DNAJC3: variants seen among roughly 807,000 people sequenced by gnomAD.
DNAJC3 encodes dnaJ homolog subfamily C member 3.
A neutral mutation model predicts 68.6 loss-of-function variants in DNAJC3; 38 were observed. That is an observed-to-expected ratio of 0.55 (90% confidence interval 0.43 to 0.73). The LOEUF (loss-of-function observed/expected upper bound fraction) is 0.73. Ranked by LOEUF, DNAJC3 falls within the 30% of genes least tolerant of loss-of-function variation. DNAJC3 has a pLI of 0.00. For synonymous variants in DNAJC3, 203 were observed against 204.0 expected (o/e 1.00, Z 0.04); for missense variants, 526 against 591.9 (o/e 0.89, Z 1.16).
chr13:95,708,300 G>C (rs1027008264), intron 1 of DNAJC3, among the ~76,000 whole-genome samples: 3 of 152,200 alleles, frequency 2.0e-5, no homozygotes, highest in African/African-American at 4.8e-5. Flanking sequence ...GATGAATTCA[G>C]AGCGGAGAGG....
intron 10 of DNAJC3, 65 bp from the exon 11 acceptor site, chr13:95,786,942 C>G (rs1291247685): frequency 3.2e-6 from 5 of 1,548,800 alleles, no homozygotes; most frequent in Non-Finnish European, 4.3e-6. Flanking sequence ...ATCAGCTCTT[C>G]TGATTTTTAT....
At chr13:95,732,836 T>G (rs1436206748) in intron 4 of DNAJC3, among the ~76,000 whole-genome samples, 1 of 152,152 alleles carries the variant, frequency 6.6e-6, no homozygotes, top group African/African-American at 2.4e-5. Context: ...GCTTTGGCTG[T>G]ATTCCATAGG....
chr13:95,711,442 G>A (rs1593970020), intron 2 of DNAJC3, among the ~76,000 whole-genome samples: 1 of 152,118 alleles, frequency 6.6e-6, no homozygotes, highest in South Asian at 2.1e-4. Flanking sequence ...AGGTTGCAGT[G>A]AGCCAAGATC....
At chr13:95,688,450 C>T (rs950854130) in intron 1 of DNAJC3, among the ~76,000 whole-genome samples, 3 of 150,372 alleles carry the variant, frequency 2.0e-5, no homozygotes, top group Non-Finnish European at 4.4e-5. Context: ...TATGCTTCTT[C>T]GATGTCTAGT....
At chr13:95,761,325 G>T (rs1485654120) in intron 7 of DNAJC3, among the ~76,000 whole-genome samples, 1 of 152,070 alleles carries the variant, frequency 6.6e-6, no homozygotes, top group Non-Finnish European at 1.5e-5. Flanking sequence ...AGTAAAAGTG[G>T]ACAGAAGTAA....
chr13:95,712,661 C>T (rs542800065), intron 2 of DNAJC3, among the ~76,000 whole-genome samples: 133 of 152,248 alleles, frequency 8.7e-4, no homozygotes, highest in Admixed American at 2.7e-3. Flanking sequence ...CATGAGCCAC[C>T]GTGCCTGGCC....
intron 4 of DNAJC3, 72 bp downstream of exon 4, chr13:95,725,324 T>C: frequency 1.8e-6 from 2 of 1,118,548 alleles, no homozygotes; most frequent in Non-Finnish European, 2.5e-6. Flanking sequence ...TTTTATATTA[T>C]GACAGTTAAT....
intron 4 of DNAJC3, among the ~76,000 whole-genome samples, chr13:95,733,703 C>CTTTT (rs146677839): frequency 1.2e-4 from 12 of 102,926 alleles, no homozygotes; most frequent in Non-Finnish European, 1.7e-4. Flanking sequence ...CCTGGCCTGT[C>CTTTT]TTTTTTTTTT....
chr13:95,735,827 T>C (rs1165498041), intron 4 of DNAJC3, among the ~76,000 whole-genome samples: 2 of 152,226 alleles, frequency 1.3e-5, no homozygotes, highest in Non-Finnish European at 2.9e-5. Flanking sequence ...TTAGTTTAAT[T>C]AGATCCCATT....
In DNAJC3 at chr13:95,725,222, T is replaced by C; in HGVS notation, c.363T>C (p.Leu121=). ...RGHLLLKQGK[L]DEAEDDFKKV... ...ACTTATTACTCAAACAAGGAAAACTTGATGAAGCAGAAGATGATTTTAAAA... is the reference window on the plus strand; with the variant it reads ...ACTTATTACTCAAACAAGGAAAACTCGATGAAGCAGAAGATGATTTTAAAA... Residue 121 remains leucine, a synonymous_variant, in exon 4 of 12, where the codon CTT becomes CTC. Coordinates refer to ENST00000602402, the MANE Select transcript of DNAJC3 (RefSeq NM_006260.5). The C allele has an allele frequency of 6.3e-7, 1 of 1,595,782 alleles. No homozygotes were observed. Among genetic ancestry groups the C allele is most frequent in the East Asian group, 2.3e-5 (1 of 44,054 alleles).
chr13:95,700,653 T>G (rs1880559140), intron 1 of DNAJC3, among the ~76,000 whole-genome samples: 1 of 152,232 alleles, frequency 6.6e-6, no homozygotes, highest in African/African-American at 2.4e-5. Context: ...AGTTCAGTGC[T>G]TTTGGTGACT....
chr13:95,791,173 C>A lies in DNAJC3; in HGVS notation c.*143C>A. On this transcript the variant is annotated 3_prime_UTR_variant, in exon 12 of 12. Transcript: ENST00000602402. ...TTGCTTTAATAGGAAAAAATCTGTT[C>A]TTATCCCTGTCAGATTTATGGTTAA... is the stretch of plus-strand genomic sequence containing the variant. 1.1e-6 allele frequency: 1 copy of A among 942,044 alleles called. No individual in the cohort carries two copies. The highest frequency in any genetic ancestry group is 1.6e-6 in the Non-Finnish European group (1 of 635,562). The allele number at this position is 942,044 out of a possible 1,614,324, so 58.4% of individuals were successfully genotyped here. A position where few individuals can be genotyped will look rare whatever the true frequency, so the allele number is the denominator to read the frequency against.
chr13:95,760,509 T>G (rs1458359763), intron 6 of DNAJC3, among the ~76,000 whole-genome samples, 170 bp from the exon 7 acceptor site: 1 of 152,230 alleles, frequency 6.6e-6, no homozygotes, highest in Admixed American at 6.5e-5. Context: ...AATTAACAAA[T>G]GTATGCATGG....
intron 4 of DNAJC3, among the ~76,000 whole-genome samples, chr13:95,725,764 G>A (rs867109343): frequency 2.2e-4 from 33 of 150,036 alleles, no homozygotes; most frequent in South Asian, 1.1e-3. Flanking sequence ...ATGTTGGTGT[G>A]CTGCACCCAT....
Position 95,763,869 on chromosome 13 carries a change from G to A in DNAJC3, c.991G>A (p.Glu331Lys). The change falls in exon 9 of 12, where the codon GAA becomes AAA. Residue 331 changes from glutamate to lysine, a missense_variant. Physicochemically the swap from Glu to Lys is moderately conservative, Grantham distance 56 (BLOSUM62 1). Transcript: ENST00000602402. ...KPVEAIRVCS[E>K]VLQMEPDNVN... ...TGTTGAAGCTATTAGGGTTTGTTCT[G>A]AAGTTTTACAGATGGAACCTGACAA... 6.2e-7 allele frequency: 1 copy of A among 1,613,992 alleles called. No individual in the cohort carries two copies. Among genetic ancestry groups the A allele is most frequent in the Non-Finnish European group, 8.5e-7 (1 of 1,179,950 alleles).
intron 2 of DNAJC3, among the ~76,000 whole-genome samples, chr13:95,712,317 C>A (rs1185845195): frequency 6.6e-6 from 1 of 152,008 alleles, no homozygotes; most frequent in Non-Finnish European, 1.5e-5. Flanking sequence ...GACAAGGATA[C>A]CCACTATTAC....
chr13:95,725,066 G>A (rs1881461443), intron 3 of DNAJC3, 112 bp from the exon 4 acceptor site: 1 of 676,904 alleles, frequency 1.5e-6, no homozygotes, highest in Non-Finnish European at 2.2e-6. Context: ...GATGTGCACT[G>A]GAAAAATAAA....
At chr13:95,753,981 A>G (rs997720641) in intron 4 of DNAJC3, among the ~76,000 whole-genome samples, 1 of 152,214 alleles carries the variant, frequency 6.6e-6, no homozygotes, top group Non-Finnish European at 1.5e-5. Context: ...TCACTGAGAA[A>G]TGGTAAAACT....
intron 4 of DNAJC3, among the ~76,000 whole-genome samples, chr13:95,732,748 G>A (rs1881757437): frequency 6.6e-6 from 1 of 150,640 alleles, no homozygotes; most frequent in Non-Finnish European, 1.5e-5. Context: ...TGGTTTCTTG[G>A]GATGCATGTT....
Sources: allele counts gnomAD v4.1 joint callset (sites outside exome capture counted in the v4.1 genomes callset), GRCh38; gene constraint gnomAD v4.1.1; transcripts MANE v1.5; gene names NCBI Gene and HGNC (gene_info 2026-07-23, HGNC 2026-07-21).